MAP2K1: variants seen among roughly 807,000 people sequenced by gnomAD.
MAP2K1 encodes the protein mitogen-activated protein kinase kinase 1, also known as dual specificity mitogen-activated protein kinase kinase 1.
MAP2K1 carries 16 observed loss-of-function variants against 46.3 expected under a neutral mutation model. The ratio of observed to expected loss-of-function variants is 0.35; its 90% CI spans 0.23 to 0.52. The LOEUF is 0.52. MAP2K1 is among the 20% of genes least tolerant of loss of function. The probability of loss-of-function intolerance (pLI) is 0.94; values close to 1 mark genes in which losing one functional copy is unlikely to be tolerated. For missense variants in MAP2K1, 263 were observed against 497.1 expected (o/e 0.53, Z 4.48); for synonymous variants, 183 against 185.6 (o/e 0.99, Z 0.11).
chr15:66,392,630 C>G (rs1040745873), intron 1 of MAP2K1, among the ~76,000 whole-genome samples: 4 of 150,828 alleles, frequency 2.7e-5, no homozygotes, highest in Non-Finnish European at 4.4e-5. Flanking sequence ...CTCGGCTCAC[C>G]GCAACCTCCG....
chr15:66,472,098 C>T (rs1278615348), intron 5 of MAP2K1, among the ~76,000 whole-genome samples: 2 of 107,930 alleles, frequency 1.9e-5, no homozygotes, highest in African/African-American at 7.1e-5. Flanking sequence ...AAAAAAGATG[C>T]TGTTAGCTAG....
intron 1 of MAP2K1, chr15:66,415,139 G>A: frequency 1.9e-6 from 1 of 525,396 alleles, no homozygotes; most frequent in Non-Finnish European, 3.8e-6. Context: ...CTCCAGCTTG[G>A]CAGCTCCCCT....
At chr15:66,428,752 C>T (rs1374289215) in intron 1 of MAP2K1, among the ~76,000 whole-genome samples, 2 of 146,800 alleles carry the variant, frequency 1.4e-5, no homozygotes, top group African/African-American at 5.1e-5. Flanking sequence ...ATTAGTGTTG[C>T]CCTTTTTTGA....
chr15:66,403,592 C>G (rs555552028), intron 1 of MAP2K1, among the ~76,000 whole-genome samples: 1 of 152,196 alleles, frequency 6.6e-6, no homozygotes, highest in South Asian at 2.1e-4. Context: ...CTCTTAAATG[C>G]ATTTACTTTT....
At chr15:66,459,610 A>C (rs1595873800) in intron 5 of MAP2K1, among the ~76,000 whole-genome samples, 1 of 99,166 alleles carries the variant, frequency 1.0e-5, no homozygotes, top group Admixed American at 1.2e-4. Context: ...AGAGCAAGAC[A>C]CCATCTCAAA....
intron 5 of MAP2K1, among the ~76,000 whole-genome samples, chr15:66,466,803 C>T (rs1231729632): frequency 6.6e-6 from 1 of 152,210 alleles, no homozygotes; most frequent in Non-Finnish European, 1.5e-5. Flanking sequence ...ACTTCAGTCT[C>T]CTGTAAGTTC....
intron 6 of MAP2K1, 137 bp downstream of exon 6, chr15:66,482,016 C>T: frequency 9.2e-7 from 1 of 1,092,786 alleles, no homozygotes. Flanking sequence ...GTGCTCTGCC[C>T]TGAGGAGATG....
chr15:66,459,894 A>C (rs1202891410), intron 5 of MAP2K1, among the ~76,000 whole-genome samples: 1 of 152,204 alleles, frequency 6.6e-6, no homozygotes, highest in Non-Finnish European at 1.5e-5. Flanking sequence ...TTTGCAAGGA[A>C]CTATGCTGCC....
intron 5 of MAP2K1, among the ~76,000 whole-genome samples, chr15:66,449,707 C>T (rs1891983504): frequency 6.6e-6 from 1 of 151,988 alleles, no homozygotes; most frequent in Non-Finnish European, 1.5e-5. Context: ...ATGGTGAAAC[C>T]CCCGTCTACT....
rs1830164051 is a variant in MAP2K1 at position 66,436,720 on chromosome 15, C to G, written c.292-26C>G. 1.2e-6 allele frequency: 2 copies of G among 1,612,110 alleles called. No individual in the cohort carries two copies. The highest frequency in any genetic ancestry group is 1.7e-6 in the Non-Finnish European group (2 of 1,178,452). ...CTTCCTCCCTCTTTCTTTCATAAAA[C>G]CTCTCTTTCTTCCACCTTTCTCCAG... On this transcript the variant is annotated intron_variant, in intron 2 of 10. Transcript: ENST00000307102.
At chr15:66,431,382 T>G (rs1595859124) in intron 1 of MAP2K1, among the ~76,000 whole-genome samples, 1 of 152,226 alleles carries the variant, frequency 6.6e-6, no homozygotes, top group East Asian at 1.9e-4. Flanking sequence ...ATCTTTTTAA[T>G]GAGTACTGAA....
At chr15:66,414,937 T>C (rs2093421220) in intron 1 of MAP2K1, 1 of 410,176 alleles carries the variant, frequency 2.4e-6, no homozygotes, top group Admixed American at 2.7e-5. Flanking sequence ...TCTTCTTCAG[T>C]GGTACTTGCA....
intron 5 of MAP2K1, among the ~76,000 whole-genome samples, chr15:66,447,083 G>A (rs149088391): frequency 6.6e-6 from 1 of 152,268 alleles, no homozygotes; most frequent in African/African-American, 2.4e-5. Flanking sequence ...GCGGAGATGA[G>A]TGGACTAGGG....
intron 3 of MAP2K1, among the ~76,000 whole-genome samples, chr15:66,441,752 C>CAAAAAA (rs35667031): frequency 6.1e-5 from 6 of 98,746 alleles, no homozygotes; most frequent in African/African-American, 2.2e-4. Context: ...TAAAAAAAGA[C>CAAAAAA]AAAAAAAAAA....
At chr15:66,429,366 T>C (rs2093468440) in intron 1 of MAP2K1, among the ~76,000 whole-genome samples, 2 of 152,078 alleles carry the variant, frequency 1.3e-5, no homozygotes, top group South Asian at 2.1e-4. Context: ...ACAGGAACAA[T>C]GTGGGGAAAA....
chr15:66,429,110 G>A (rs1033575562), intron 1 of MAP2K1, among the ~76,000 whole-genome samples: 22 of 152,032 alleles, frequency 1.4e-4, no homozygotes, highest in African/African-American at 4.6e-4. Context: ...ATGACATAGT[G>A]TATTAGTCTG....
chr15:66,409,073 C>G (rs779835117), intron 1 of MAP2K1, among the ~76,000 whole-genome samples: 1 of 152,116 alleles, frequency 6.6e-6, no homozygotes, highest in Non-Finnish European at 1.5e-5. Flanking sequence ...TGTTGGTAAC[C>G]GTAGCATCTG....
intron 5 of MAP2K1, among the ~76,000 whole-genome samples, chr15:66,478,392 A>G (rs923410140): frequency 3.7e-4 from 47 of 127,182 alleles, no homozygotes; most frequent in Admixed American, 6.2e-4. Flanking sequence ...ATACACAGAT[A>G]TGTGTGTGTA....
chr15:66,464,338 A>G (rs1892407257), intron 5 of MAP2K1, among the ~76,000 whole-genome samples: 1 of 152,168 alleles, frequency 6.6e-6, no homozygotes, highest in African/African-American at 2.4e-5. Flanking sequence ...TGGAAAAGTG[A>G]TATAGGCCAC....
Sources: allele counts gnomAD v4.1 joint callset (sites outside exome capture counted in the v4.1 genomes callset), GRCh38; gene constraint gnomAD v4.1.1; transcripts MANE v1.5; gene names NCBI Gene and HGNC (gene_info 2026-07-23, HGNC 2026-07-21).